TMPRSS7: variants seen among roughly 807,000 people sequenced by gnomAD.
TMPRSS7 encodes the protein transmembrane serine protease 7.
Under a neutral mutation model 95.6 loss-of-function variants are expected in TMPRSS7, and 81 were observed. That is an observed-to-expected ratio of 0.85 (90% CI 0.71 to 1.02). TMPRSS7 has a LOEUF of 1.02. Among genes scored for constraint, TMPRSS7 ranks in the 50% least tolerant of loss-of-function variants. TMPRSS7 has a pLI of 0.00. For synonymous variants in TMPRSS7, 364 were observed against 337.8 expected (o/e 1.08, Z -0.85); for missense variants, 945 against 955.2 (o/e 0.99, Z 0.14).
intron 13 of TMPRSS7, 107 bp downstream of exon 13, chr3:112,066,609 G>A: frequency 1.0e-6 from 1 of 996,008 alleles, no homozygotes; most frequent in Non-Finnish European, 1.5e-6. Context: ...ACTTGTCCCA[G>A]GTTCTCTGGA....
intron 1 of TMPRSS7, among the ~76,000 whole-genome samples, chr3:112,036,132 GTCATGAAGCTGTAACTAGGAAATCAAT>G (rs2073148339): frequency 6.6e-6 from 1 of 152,126 alleles, no homozygotes; most frequent in Admixed American, 6.6e-5. Context: ...CTACCACCCA[GTCATGAAGCTGTAACTAGGAAATCAAT>G]TCATTTCTGT....
intron 3 of TMPRSS7, 136 bp downstream of exon 3, chr3:112,042,186 G>A (rs1377642158): frequency 1.3e-5 from 8 of 600,816 alleles, no homozygotes; most frequent in Admixed American, 3.0e-5. Context: ...AAAGGAAGGT[G>A]TCAGAAGAAA....
At chr3:112,036,219 A>G (rs4386465) in intron 1 of TMPRSS7, among the ~76,000 whole-genome samples, 98,388 of 152,074 alleles carry the variant, frequency 0.65, 32,280 homozygotes, top group African/African-American at 0.75. Context: ...GCCCAGAAAT[A>G]ATTGATTGTG....
At chr3:112,044,046 A>G (rs1364403296) in intron 3 of TMPRSS7, among the ~76,000 whole-genome samples, 1 of 152,246 alleles carries the variant, frequency 6.6e-6, no homozygotes, top group Non-Finnish European at 1.5e-5. Flanking sequence ...TTTCACAGAT[A>G]GCAGAATGAA....
intron 9 of TMPRSS7, among the ~76,000 whole-genome samples, chr3:112,055,950 T>C (rs2073427594): frequency 6.6e-6 from 1 of 152,156 alleles, no homozygotes; most frequent in South Asian, 2.1e-4. Flanking sequence ...CCAACACTTT[T>C]GGAGGCTGAG....
At position 112,077,147 on chromosome 3, in the gene TMPRSS7, G is replaced by A. The variant is rs1218585417; in HGVS notation, c.2224+3G>A. 1 of 1,613,440 alleles carries A rather than the reference G, an allele frequency of 6.2e-7. No individual in the cohort carries two copies. The highest frequency in any genetic ancestry group is 8.5e-7 in the Non-Finnish European group (1 of 1,179,696). The stretch of plus-strand genomic sequence containing the variant: ...CTGGGGGCGAAGACACGAAGCAGGT[G>A]TGTGTATGAATGAATGGTCATGCCC... On this transcript the variant is annotated splice_donor_region_variant and intron_variant, in intron 16 of 17. Transcript: ENST00000452346.
chr3:112,067,662 CT>C (rs1181104826), intron 13 of TMPRSS7, among the ~76,000 whole-genome samples: 5 of 152,180 alleles, frequency 3.3e-5, no homozygotes, highest in African/African-American at 1.2e-4. Context: ...CCTTTGCCCA[CT>C]TTTTGATGGG....
At chr3:112,080,527 C>CACTACTACTACTACTACTACCACT (rs1553766165) in intron 17 of TMPRSS7, among the ~76,000 whole-genome samples, 2 of 145,934 alleles carry the variant, frequency 1.4e-5, no homozygotes, top group African/African-American at 5.2e-5. Context: ...TTTTAGCCCT[C>CACTACTACTACTACTACTACCACT]ACTACTACTA....
chr3:112,038,226 T>G, exon 2 of TMPRSS7: 1 of 702,918 alleles, frequency 1.4e-6, no homozygotes, highest in South Asian at 1.5e-5. Context: ...AAGAAAAAAG[T>G]TCCCTTTTGG....
At chr3:112,074,245 C>G (rs769308774) in intron 13 of TMPRSS7, 51 bp from the exon 14 acceptor site, 1 of 1,307,414 alleles carries the variant, frequency 7.6e-7, no homozygotes, top group South Asian at 1.2e-5. Flanking sequence ...CTCATTCACT[C>G]AAGTTTGTTT....
chr3:112,064,439 C>T (rs1228370989), intron 12 of TMPRSS7, among the ~76,000 whole-genome samples: 1 of 151,874 alleles, frequency 6.6e-6, no homozygotes, highest in Non-Finnish European at 1.5e-5. Context: ...GTCTTGTCTT[C>T]CTGGACTCAA....
intron 10 of TMPRSS7, among the ~76,000 whole-genome samples, chr3:112,060,184 A>T (rs1461877197): frequency 6.6e-6 from 1 of 152,176 alleles, no homozygotes; most frequent in Non-Finnish European, 1.5e-5. Flanking sequence ...CATGTACTTC[A>T]CAAGGTAATA....
At position 112,042,898 on chromosome 3, in the gene TMPRSS7, G is replaced by A. The variant is rs1467344447; in HGVS notation, c.429+848G>A. 5 of 408,482 alleles carry A rather than the reference G, an allele frequency of 1.2e-5. No individual in the cohort carries two copies. The East Asian group carries it at 2.9e-4, about 24-fold the overall frequency. 25.3% of individuals were successfully genotyped at this position (408,482 alleles called of 1,614,324 possible). A position where few individuals can be genotyped will look rare whatever the true frequency, so the allele number is the denominator to read the frequency against. Reference sequence around the variant, plus strand: ...CTTGGCACATATTACCAACTAGAACGTTGCTGTCAATTTGTATTTCCACGG... The same window carrying A: ...CTTGGCACATATTACCAACTAGAACATTGCTGTCAATTTGTATTTCCACGG... On this transcript the variant is annotated intron_variant, in intron 3 of 17. Transcript: ENST00000452346.
At chr3:112,037,880 G>T (rs1211196299) in intron 1 of TMPRSS7, among the ~76,000 whole-genome samples, 192 bp from the exon 2 acceptor site, 1 of 152,068 alleles carries the variant, frequency 6.6e-6, no homozygotes, top group Non-Finnish European at 1.5e-5. Context: ...TAGTTTATCT[G>T]ATCTTAATTT....
At chr3:112,067,220 A>T (rs340149) in intron 13 of TMPRSS7, among the ~76,000 whole-genome samples, 9 of 152,290 alleles carry the variant, frequency 5.9e-5, no homozygotes, top group Middle Eastern at 3.4e-3. Flanking sequence ...TTCTTAATCC[A>T]GTCTATCATT....
At chr3:112,051,664 CTATCATCT>C (rs147600547) in intron 9 of TMPRSS7, among the ~76,000 whole-genome samples, 9,465 of 111,188 alleles carry the variant, frequency 0.085, 442 homozygotes, top group East Asian at 0.31. Context: ...ATCTATCTAT[CTATCATCT>C]ATCTATCTAT....
chr3:112,067,515 C>A lies in TMPRSS7; in HGVS notation c.1666+1013C>A, dbSNP rs58418122. 3.9e-5 allele frequency among the ~76,000 whole-genome samples: 6 copies of A among 152,246 alleles called. No individual in the cohort carries two copies. The East Asian group carries it at 1.2e-3, about 29-fold the overall frequency. On this transcript the variant is annotated intron_variant, in intron 13 of 17. Transcript: ENST00000452346. ...TGTTGTTTCCTGACTTTTTAGTGATCGCCATTCTAACTGATGTGAGATAGT... is the reference window on the plus strand; with the variant it reads ...TGTTGTTTCCTGACTTTTTAGTGATAGCCATTCTAACTGATGTGAGATAGT...
chr3:112,075,314 A>AC lies in TMPRSS7; in HGVS notation c.1784-5dup. On this transcript the variant is annotated splice_region_variant and splice_polypyrimidine_tract_variant and intron_variant, in intron 14 of 17. Coordinates refer to ENST00000452346, the Ensembl canonical transcript of TMPRSS7. ...CCTTTAAATCACATGCCCTTTCTCC[A>AC]CCAAAGCCTGCAGCAGGAGTTCCTC... is the stretch of plus-strand genomic sequence containing the variant. 1 of 1,403,950 alleles carries AC rather than the reference A, an allele frequency of 7.1e-7. No individual in the cohort carries two copies. The highest frequency in any genetic ancestry group is 1.7e-5 in the South Asian group (1 of 57,146). 87.0% of individuals were successfully genotyped at this position (1,403,950 alleles called of 1,614,324 possible).
intron 5 of TMPRSS7, 114 bp downstream of exon 5, chr3:112,046,057 C>A: frequency 1.1e-6 from 1 of 922,086 alleles, no homozygotes; most frequent in Non-Finnish European, 1.6e-6. Flanking sequence ...CCCCACAATC[C>A]CAGTGGCGCA....
Sources: allele counts gnomAD v4.1 joint callset (sites outside exome capture counted in the v4.1 genomes callset), GRCh38; gene constraint gnomAD v4.1.1; transcripts MANE v1.5; gene names NCBI Gene and HGNC (gene_info 2026-07-23, HGNC 2026-07-21).